Variants in SLC23A2 observed in about 807,000 individuals in gnomAD.
The protein encoded by SLC23A2 is Na(+)/L-ascorbic acid transporter 2.
In SLC23A2, 36 loss-of-function variants were observed where a neutral mutation model predicts 73.3. That is an observed-to-expected ratio of 0.49 (90% CI 0.38 to 0.65). The LOEUF is 0.65. Among genes scored for constraint, SLC23A2 ranks in the 30% least tolerant of loss-of-function variants. The pLI, the probability that SLC23A2 is intolerant of heterozygous loss-of-function variation, is 0.00. For missense variants in SLC23A2, 507 were observed against 841.6 expected (o/e 0.60, Z 4.92); for synonymous variants, 343 against 327.3 (o/e 1.05, Z -0.52).
At chr20:4,919,145 C>T (rs939547483) in intron 3 of SLC23A2, among the ~76,000 whole-genome samples, 1 of 152,194 alleles carries the variant, frequency 6.6e-6, no homozygotes, top group African/African-American at 2.4e-5. Context: ...ATATTCTAAA[C>T]ACCCAAAGCT....
In SLC23A2 at chr20:4,868,072, ATTTTTTTTTTTTT is replaced by A. The variant is rs574379772; in HGVS notation, c.1251-210_1251-198del. Among the ~76,000 whole-genome samples the A allele has an allele frequency of 1.2e-4, 11 of 94,418 alleles. No individual in the cohort carries two copies. The highest frequency in any genetic ancestry group is 5.3e-4 in the African/African-American group (11 of 20,562). The allele number at this position is 94,418 out of a possible 152,430, so 61.9% of individuals were successfully genotyped here. ...CCTGCTGAAGCAGAAAAGAATCTGCATTTTTTTTTTTTTTTTTTTTTTTTTTAGAGAGTGTCTC... is the reference window on the plus strand; with the variant it reads ...CCTGCTGAAGCAGAAAAGAATCTGCATTTTTTTTTTTTTAGAGAGTGTCTC... On this transcript the variant is annotated intron_variant, in intron 12 of 16. Coordinates refer to ENST00000338244, the MANE Select transcript of SLC23A2 (RefSeq NM_005116.6). The surrounding 1 kb of genome is among the most constrained non-coding windows in gnomAD (Gnocchi z 4.4).
chr20:5,006,547 T>TTTTATTTATTTATTTA (rs78731557), intron 1 of SLC23A2, among the ~76,000 whole-genome samples: 2,986 of 147,614 alleles, frequency 0.02, 94 homozygotes, highest in South Asian at 0.11. Flanking sequence ...GTAAAAGCCA[T>TTTTATTTATTTATTTA]TTTATTTATT....
intron 1 of SLC23A2, among the ~76,000 whole-genome samples, chr20:4,996,404 T>C (rs1243174913): frequency 6.6e-6 from 1 of 151,956 alleles, no homozygotes; most frequent in East Asian, 1.9e-4. Context: ...AACTCATGAG[T>C]GGGCCAGGCA....
intron 1 of SLC23A2, among the ~76,000 whole-genome samples, chr20:4,985,136 CAAA>C (rs56246524): frequency 3.1e-4 from 32 of 103,964 alleles, no homozygotes; most frequent in Admixed American, 4.2e-4. Context: ...ACTCCGTCTC[CAAA>C]AAAAAAAAAA....
At chr20:4,888,045 C>T (rs1214638658) in intron 6 of SLC23A2, among the ~76,000 whole-genome samples, 6 of 152,208 alleles carry the variant, frequency 3.9e-5, no homozygotes, top group African/African-American at 1.4e-4. Flanking sequence ...CGGCCCCTGT[C>T]GTACTCATGT....
At chr20:4,972,032 A>T (rs948298478) in intron 1 of SLC23A2, among the ~76,000 whole-genome samples, 1 of 152,192 alleles carries the variant, frequency 6.6e-6, no homozygotes, top group Non-Finnish European at 1.5e-5. Context: ...TATTTATTAA[A>T]CGGCTATGTT....
In SLC23A2 at chr20:4,884,741, C is replaced by T. The variant is rs1931028586; in HGVS notation, c.642+12G>A. On this transcript the variant is annotated intron_variant, in intron 8 of 16. Coordinates refer to ENST00000338244, the MANE Select transcript of SLC23A2 (RefSeq NM_005116.6). ...ATGAAGAAGCCAAAAGCAGACAACG[C>T]TTGTCTTTTACCTCTCGGATCCGGG... is the stretch of plus-strand genomic sequence containing the variant. 1 of 1,598,320 alleles carries T rather than the reference C, an allele frequency of 6.3e-7. No homozygotes were observed. The highest frequency in any genetic ancestry group is 1.1e-5 in the South Asian group (1 of 90,622).
intron 2 of SLC23A2, among the ~76,000 whole-genome samples, chr20:4,942,326 A>T (rs900571354): frequency 2.0e-5 from 3 of 151,862 alleles, no homozygotes; most frequent in Admixed American, 1.3e-4. Context: ...CCCTGCAGCC[A>T]AAGTTAAAAA....
Position 4,897,201 on chromosome 20 carries a change from C to T in SLC23A2, c.482+2354G>A, listed in dbSNP as rs1420587366. Among the ~76,000 whole-genome samples, 6 of 152,178 alleles carry T rather than the reference C, an allele frequency of 3.9e-5. No homozygotes were observed. In the South Asian group the frequency reaches 1.0e-3, roughly 26 times the overall value. On this transcript the variant is annotated intron_variant, in intron 6 of 16. Transcript: ENST00000338244. ...TTTCTCTTTGCCCAGGTTAAGAGAACGGGCACCACCCACACCCCGACAACC... is the reference window on the plus strand; with the variant it reads ...TTTCTCTTTGCCCAGGTTAAGAGAATGGGCACCACCCACACCCCGACAACC...
chr20:4,882,359 A>G (rs986272179), intron 9 of SLC23A2, among the ~76,000 whole-genome samples: 1 of 152,118 alleles, frequency 6.6e-6, no homozygotes, highest in South Asian at 2.1e-4. Context: ...TGGGCAACAG[A>G]GCGAGACTCC....
intron 1 of SLC23A2, among the ~76,000 whole-genome samples, chr20:5,007,841 A>G (rs1001029123): frequency 2.6e-5 from 4 of 152,028 alleles, no homozygotes; most frequent in South Asian, 2.1e-4. Flanking sequence ...TCAAGGTTCA[A>G]CTACATTGTA....
chr20:4,867,648 A>G (rs79003099), intron 13 of SLC23A2, 122 bp downstream of exon 13: 12 of 426,834 alleles, frequency 2.8e-5, no homozygotes, highest in Non-Finnish European at 4.1e-5. Flanking sequence ...AAAAAAAAAA[A>G]GGAGAGAAGT....
Position 4,862,003 on chromosome 20 carries a change from C to G in SLC23A2, c.1569G>C (p.Ser523=). 6.2e-7 allele frequency: 1 copy of G among 1,614,088 alleles called. No individual in the cohort carries two copies. The highest frequency in any genetic ancestry group is 8.5e-7 in the Non-Finnish European group (1 of 1,179,998). Reference sequence around the variant, plus strand: ...TTGGAAGGACGAGCCCAAAGAAGATCGAAAATCCAAGCACAAAGAGGTTCC... The same window carrying G: ...TTGGAAGGACGAGCCCAAAGAAGATGGAAAATCCAAGCACAAAGAGGTTCC... ...SSRNLFVLGF[S]IFFGLVLPSY... The change falls in exon 15 of 17, where the codon TCG becomes TCC. Residue 523 remains serine (S), a synonymous_variant. Coordinates refer to ENST00000338244, the MANE Select transcript of SLC23A2 (RefSeq NM_005116.6). The surrounding 1 kb of genome is among the most constrained non-coding windows in gnomAD (Gnocchi z 5.1).
At chr20:4,976,369 C>T (rs1456661344) in intron 1 of SLC23A2, among the ~76,000 whole-genome samples, 1 of 151,986 alleles carries the variant, frequency 6.6e-6, no homozygotes, top group Non-Finnish European at 1.5e-5. Flanking sequence ...TCTTCTATTA[C>T]TTTTGTGCTA....
Position 4,868,119 on chromosome 20 carries a change from A to C in SLC23A2, c.1251-244T>G. ...TTTTTAGAGAGTGTCTCACTCCGTC[A>C]CCTAGGCTGGAATGCAGTGACGCGA... On this transcript the variant is annotated intron_variant, in intron 12 of 16. Transcript: ENST00000338244. The surrounding 1 kb of genome is among the most constrained non-coding windows in gnomAD (Gnocchi z 4.4). 7.7e-6 allele frequency among the ~76,000 whole-genome samples: 1 copy of C among 129,298 alleles called. No homozygotes were observed. The highest frequency in any genetic ancestry group is 1.5e-5 in the Non-Finnish European group (1 of 64,798). 84.8% of individuals were successfully genotyped at this position (129,298 alleles called of 152,430 possible).
intron 6 of SLC23A2, among the ~76,000 whole-genome samples, chr20:4,887,136 C>G (rs1931133680): frequency 6.6e-6 from 1 of 152,180 alleles, no homozygotes; most frequent in African/African-American, 2.4e-5. Context: ...ACCATACAAA[C>G]CAGATGCATT....
chr20:4,895,051 G>C (rs1931468305), intron 6 of SLC23A2, among the ~76,000 whole-genome samples: 1 of 152,240 alleles, frequency 6.6e-6, no homozygotes, highest in African/African-American at 2.4e-5. Context: ...GAAATACTGG[G>C]TACTCAGCAA....
intron 2 of SLC23A2, among the ~76,000 whole-genome samples, chr20:4,956,910 C>A (rs189899302): frequency 1.4e-4 from 21 of 150,696 alleles, no homozygotes; most frequent in African/African-American, 5.1e-4. Flanking sequence ...TGGGTTCAAG[C>A]GATTCTCCTG....
upstream of SLC23A2, among the ~76,000 whole-genome samples, chr20:5,005,927 A>G (rs1217532830): frequency 6.6e-6 from 1 of 151,976 alleles, no homozygotes; most frequent in Non-Finnish European, 1.5e-5. Context: ...TGGAGGTTGC[A>G]GTGAGCTGAG....
Sources: allele counts gnomAD v4.1 joint callset (sites outside exome capture counted in the v4.1 genomes callset), GRCh38; gene constraint gnomAD v4.1.1; non-coding constraint Gnocchi (gnomAD v3.1); transcripts MANE v1.5; gene names NCBI Gene and HGNC (gene_info 2026-07-23, HGNC 2026-07-21).